Variants in RNF32 observed in about 807,000 individuals in gnomAD.
RNF32 encodes ring finger protein 32.
A neutral mutation model predicts 41.0 loss-of-function variants in RNF32; 36 were observed. That is an observed-to-expected ratio of 0.88 (90% CI 0.67 to 1.16). The LOEUF (loss-of-function observed/expected upper bound fraction) is 1.16, where lower values mean the gene tolerates loss of function less well. Ranked by LOEUF, RNF32 falls within the 50% of genes most tolerant of loss-of-function variation. RNF32 has a pLI of 0.00. For missense variants in RNF32, 413 were observed against 436.7 expected (o/e 0.95, Z 0.48); for synonymous variants, 154 against 160.9 (o/e 0.96, Z 0.32).
chr7:156,674,845 A>C (rs777303717), intron 7 of RNF32, among the ~76,000 whole-genome samples: 1 of 152,250 alleles, frequency 6.6e-6, no homozygotes, highest in Admixed American at 6.5e-5. Context: ...CGTAGCTCAC[A>C]GTATGTTTCT....
rs1803953033 is a variant in RNF32, at chr7:156,676,163, A to T, written c.853-256A>T. ...AGGTCCCTTCAGTTTGAAATTCTGG[A>T]AGTTCCTGTTGGATGTTGCTTATCA... On this transcript the variant is annotated intron_variant, in intron 8 of 8. Transcript: ENST00000317955. 2.6e-6 allele frequency: 3 copies of T among 1,138,002 alleles called. No homozygotes were observed. In the South Asian group the frequency reaches 5.2e-5, roughly 20 times the overall value. The allele number at this position is 1,138,002 out of a possible 1,614,324, so 70.5% of individuals were successfully genotyped here.
rs1296592868 is a variant in RNF32, at chr7:156,643,737, T to C, written c.-77-64T>C. 53 of 773,530 alleles carry C rather than the reference T, an allele frequency of 6.9e-5. No individual in the cohort carries two copies. In the East Asian group the frequency reaches 1.3e-3, roughly 18 times the overall value. The allele number at this position is 773,530 out of a possible 1,614,324, so 47.9% of individuals were successfully genotyped here. On this transcript the variant is annotated intron_variant, in intron 1 of 8. Coordinates refer to ENST00000317955, the MANE Select transcript of RNF32 (RefSeq NM_030936.4). ...TCTGTTAGACTCTTACAGAGCATCC[T>C]CACAAACTTCATGGTTTTTCTGTGC...
chr7:156,652,033 G>T (rs181509606), intron 3 of RNF32, among the ~76,000 whole-genome samples: 1 of 152,238 alleles, frequency 6.6e-6, no homozygotes, highest in Admixed American at 6.5e-5. Flanking sequence ...TAGTGGCGAC[G>T]CTTCTCTGTC....
Position 156,644,673 on chromosome 7 carries a change from C to T in RNF32, c.190C>T (p.Leu64Phe), listed in dbSNP as rs767293029. 1 of 1,612,774 alleles carries T rather than the reference C, an allele frequency of 6.2e-7. No homozygotes were observed. The highest frequency in any genetic ancestry group is 8.5e-7 in the Non-Finnish European group (1 of 1,179,144). The part of the protein sequence containing the change: ...RDTKAIIDTG[L>F]KKTTQCPKLE... ...TACAAAGGCAATAATAGATACTGGACTTAAAAAAACTACACAGTGCCCCAA... is the reference window on the plus strand; with the variant it reads ...TACAAAGGCAATAATAGATACTGGATTTAAAAAAACTACACAGTGCCCCAA... Residue 64 changes from leucine (L) to phenylalanine (F), a missense_variant, in exon 3 of 9, where the codon CTT becomes TTT. Coordinates refer to ENST00000317955, the MANE Select transcript of RNF32 (RefSeq NM_030936.4).
chr7:156,649,154 CTCT>C (rs955835943), intron 3 of RNF32, among the ~76,000 whole-genome samples: 8 of 150,924 alleles, frequency 5.3e-5, no homozygotes, highest in African/African-American at 2.0e-4. Context: ...AAGACGTTTC[CTCT>C]TTTTTTTTTT....
At chr7:156,640,768 AG>A (rs1797173602), upstream of RNF32, 14 of 263,278 alleles carry the variant, frequency 5.3e-5, no homozygotes, top group South Asian at 4.3e-4. Flanking sequence ...CTGAGGGAAA[AG>A]GGGCAGACGT....
intron 7 of RNF32, among the ~76,000 whole-genome samples, chr7:156,671,427 C>G (rs1488314435): frequency 2.6e-5 from 4 of 152,198 alleles, no homozygotes; most frequent in Non-Finnish European, 4.4e-5. Context: ...GAAAGAGATT[C>G]TAAAGCAAAG....
At chr7:156,667,657 A>C (rs1198567493) in intron 7 of RNF32, among the ~76,000 whole-genome samples, 2 of 152,234 alleles carry the variant, frequency 1.3e-5, no homozygotes, top group Non-Finnish European at 2.9e-5. Context: ...AGGAATAAAG[A>C]AAGCTGCACA....
At chr7:156,643,993 G>C in intron 2 of RNF32, 101 bp downstream of exon 2, 1 of 1,032,896 alleles carries the variant, frequency 9.7e-7, no homozygotes, top group Non-Finnish European at 1.5e-6. Context: ...AACCCTGCTT[G>C]AACTAGGAAT....
intron 7 of RNF32, among the ~76,000 whole-genome samples, chr7:156,667,334 A>C (rs1022702791): frequency 5.3e-5 from 8 of 152,186 alleles, no homozygotes; most frequent in African/African-American, 1.4e-4. Context: ...TGCTTTTGTT[A>C]GTATATTTTT....
chr7:156,657,686 C>A, intron 5 of RNF32, 113 bp downstream of exon 5: 1 of 952,706 alleles, frequency 1.0e-6, no homozygotes, highest in East Asian at 2.4e-5. Context: ...TATTCATCAC[C>A]ACCATCTATA....
chr7:156,640,495 C>T (rs1797130136), upstream of RNF32: 2 of 349,772 alleles, frequency 5.7e-6, no homozygotes, highest in Non-Finnish European at 1.1e-5. Flanking sequence ...GCCAGGCGAT[C>T]CCCAAAAACG....
intron 7 of RNF32, 51 bp from the exon 8 acceptor site, chr7:156,675,645 A>G: frequency 6.4e-7 from 1 of 1,555,264 alleles, no homozygotes. Context: ...GCTTCCCTGC[A>G]ACCTCCACCG....
chr7:156,655,760 CTGAAACCACAAAT>C (rs1258748217), intron 4 of RNF32, among the ~76,000 whole-genome samples: 1 of 151,944 alleles, frequency 6.6e-6, no homozygotes, highest in African/African-American at 2.4e-5. Context: ...GATTTTAGCC[CTGAAACCACAAAT>C]TGTCTAGGAT....
In RNF32 at chr7:156,652,303, G is replaced by A. The variant is rs73741244; in HGVS notation, c.275-2273G>A. 7.4e-3 allele frequency among the ~76,000 whole-genome samples: 1,120 copies of A among 152,030 alleles called. 14 individuals carry two copies. Among genetic ancestry groups the A allele is most frequent in the African/African-American group, 0.025 (1,038 of 41,466 alleles). Reference sequence around the variant, plus strand: ...CTGTCTCCGAGATTCTCACAGTGACGGGATTCGATGTTCTGAGTACTTACT... The same window carrying A: ...CTGTCTCCGAGATTCTCACAGTGACAGGATTCGATGTTCTGAGTACTTACT... On this transcript the variant is annotated intron_variant, in intron 3 of 8. Coordinates refer to ENST00000317955, the MANE Select transcript of RNF32 (RefSeq NM_030936.4).
At chr7:156,663,914 G>A (rs568660645) in intron 7 of RNF32, among the ~76,000 whole-genome samples, 2 of 152,288 alleles carry the variant, frequency 1.3e-5, no homozygotes, top group South Asian at 2.1e-4. Context: ...CATTCCACAC[G>A]GATTACACTC....
At position 156,658,269 on chromosome 7, in the gene RNF32, C is replaced by T. The variant is rs144520728; in HGVS notation, c.575+17C>T. 2.9e-4 allele frequency: 467 copies of T among 1,611,868 alleles called. 2 individuals are homozygous for T. The African/African-American group carries it at 4.2e-3, about 14-fold the overall frequency. On this transcript the variant is annotated intron_variant, in intron 6 of 8. Coordinates refer to ENST00000317955, the MANE Select transcript of RNF32 (RefSeq NM_030936.4). Reference sequence around the variant, plus strand: ...TGTGACCAGGTGAGGACGCCAGGCCCGTTTGGCGCTAAGCAGACACAGATC... The same window carrying T: ...TGTGACCAGGTGAGGACGCCAGGCCTGTTTGGCGCTAAGCAGACACAGATC...
In RNF32 at chr7:156,676,984, A is replaced by T. The variant is rs1045044518; in HGVS notation, c.*329A>T. On this transcript the variant is annotated 3_prime_UTR_variant, in exon 9 of 9. Coordinates refer to ENST00000317955, the MANE Select transcript of RNF32 (RefSeq NM_030936.4). ...ACTCCTTAAAGTAAGTTCCAAATGT[A>T]AAACACTCCTTAAGTTCCAAATGTT... 28 of 240,050 alleles carry T rather than the reference A, an allele frequency of 1.2e-4. No individual in the cohort carries two copies. Among genetic ancestry groups the T allele is most frequent in the African/African-American group, 5.3e-4 (24 of 45,002 alleles). The allele number at this position is 240,050 out of a possible 1,614,324, so 14.9% of individuals were successfully genotyped here.
At chr7:156,652,182 A>C (rs1392677700) in intron 3 of RNF32, among the ~76,000 whole-genome samples, 1 of 152,196 alleles carries the variant, frequency 6.6e-6, no homozygotes, top group Admixed American at 6.5e-5. Context: ...CGAATTTTGA[A>C]GGAATTGTCT....
Sources: gnomAD v4.1 joint callset for allele counts (sites outside exome capture counted in the v4.1 genomes callset) on GRCh38, gnomAD v4.1.1 for gene constraint, MANE v1.5 for transcripts, NCBI Gene and HGNC (gene_info 2026-07-23, HGNC 2026-07-21) for gene names.